Variants in ANK2 observed in about 807,000 individuals in gnomAD.
ANK2 encodes ankyrin 2, also known as ankyrin-2.
In ANK2, 83 loss-of-function variants were observed where a neutral mutation model predicts 360.5. That is an observed-to-expected ratio of 0.23 (90% CI 0.19 to 0.28). ANK2 has a LOEUF of 0.28. Ranked by LOEUF, ANK2 falls within the 10% of genes least tolerant of loss-of-function variation. The probability of loss-of-function intolerance (pLI) is 1.00; values close to 1 mark genes in which losing one functional copy is unlikely to be tolerated. For missense variants in ANK2, 4,201 were observed against 4,795.7 expected, an observed-to-expected ratio of 0.88 and a Z score of 3.66; for synonymous variants, 1,740 against 1,759.5, an observed-to-expected ratio of 0.99 and a Z score of 0.28.
At chr4:113,149,500 T>G (rs558317427) in intron 1 of ANK2, among the ~76,000 whole-genome samples, 2 of 152,280 alleles carry the variant, frequency 1.3e-5, no homozygotes, top group African/African-American at 4.8e-5. Context: ...GAGCCAAAAG[T>G]GTAATGGAAA....
intron 1 of ANK2, among the ~76,000 whole-genome samples, chr4:113,060,623 C>G (rs911213746): frequency 6.8e-6 from 1 of 147,898 alleles, no homozygotes; most frequent in Non-Finnish European, 1.5e-5. Context: ...ATGTCCCAAA[C>G]CTGTTTCACT....
chr4:112,831,198 G>A (rs1473948606), intron 1 of ANK2, among the ~76,000 whole-genome samples: 3 of 152,240 alleles, frequency 2.0e-5, no homozygotes, highest in East Asian at 1.9e-4. Flanking sequence ...GCGGGCACGC[G>A]GCGTGGGACT....
chr4:112,754,789 G>C, the ANK2 span, among the ~76,000 whole-genome samples: 1 of 152,260 alleles, frequency 6.6e-6, no homozygotes, highest in South Asian at 2.1e-4. Flanking sequence ...AAGTGAGGCA[G>C]TAGAAGGGAG....
rs1193920070 is a variant in ANK2 at position 113,147,315 on chromosome 4, C to T, written c.85-27101C>T. 3.3e-5 allele frequency among the ~76,000 whole-genome samples: 5 copies of T among 152,186 alleles called. No homozygotes were observed. The East Asian group carries it at 5.8e-4, about 18-fold the overall frequency. Reference sequence around the variant, plus strand: ...ACTACCCACATCCACCCAGGAGAGCCGCTCTGGACTTCTCAGAGCAGTCAC... The same window carrying T: ...ACTACCCACATCCACCCAGGAGAGCTGCTCTGGACTTCTCAGAGCAGTCAC... On this transcript the variant is annotated intron_variant, in intron 1 of 45. Coordinates refer to ENST00000357077, the MANE Select transcript of ANK2 (RefSeq NM_001148.6).
At chr4:112,765,172 A>G in the ANK2 span, among the ~76,000 whole-genome samples, 222 of 152,348 alleles carry the variant, frequency 1.5e-3, no homozygotes, top group Non-Finnish European at 2.5e-3. Context: ...ACATTTTTCT[A>G]TGTAACTACA....
Position 113,356,174 on chromosome 4 carries a change from A to G in ANK2, c.7556A>G (p.Asp2519Gly). 6.2e-7 allele frequency: 1 copy of G among 1,613,950 alleles called. No individual in the cohort carries two copies. Among genetic ancestry groups the G allele is most frequent in the Non-Finnish European group, 8.5e-7 (1 of 1,179,964 alleles). ...CGAGACCCTGATGGCAGTGCTGAGG[A>G]TGACAGTCTTGAGCAGACATCGCTC... The part of the protein sequence containing the change: ...LLRDPDGSAE[D>G]DSLEQTSLME... The change falls in exon 38 of 46, where the codon GAT (aspartate) becomes GGT (glycine). Residue 2519 changes from aspartate (D) to glycine (G), a missense_variant. Asp to Gly is a moderately conservative substitution (Grantham distance 94). Transcript: ENST00000357077.
intron 13 of ANK2, among the ~76,000 whole-genome samples, chr4:113,259,375 AT>A (rs2051320315): frequency 6.6e-6 from 1 of 152,298 alleles, no homozygotes; most frequent in East Asian, 1.9e-4. Flanking sequence ...CTTGTTGCTA[AT>A]TTTTGGCATC....
intron 42 of ANK2, among the ~76,000 whole-genome samples, chr4:113,368,199 A>C (rs2096604704): frequency 6.6e-6 from 1 of 152,230 alleles, no homozygotes; most frequent in East Asian, 1.9e-4. Flanking sequence ...TCTAAACTGT[A>C]AAATTCCCTG....
rs187694890 is a variant in ANK2 at position 112,842,377 on chromosome 4, A to C, written c.-40+24113A>C. Among the ~76,000 whole-genome samples, 6 of 152,362 alleles carry C rather than the reference A, an allele frequency of 3.9e-5. No individual in the cohort carries two copies. In the East Asian group the frequency reaches 9.6e-4, roughly 24 times the overall value. ...AAATAACATTCCCACTGAAGAAAGC[A>C]ATAGTTTAAATCTCTGAAAAATAGA... On this transcript the variant is annotated intron_variant, in intron 1 of 30. Coordinates refer to the ANK2 transcript ENST00000503271.
the ANK2 span, among the ~76,000 whole-genome samples, chr4:112,714,974 AAAC>A: frequency 1.3e-5 from 2 of 152,206 alleles, no homozygotes; most frequent in African/African-American, 2.4e-5. Flanking sequence ...TAGTGGCTTC[AAAC>A]AACAATAATC....
chr4:112,736,457 T>A, the ANK2 span, among the ~76,000 whole-genome samples: 3 of 107,196 alleles, frequency 2.8e-5, no homozygotes, highest in Non-Finnish European at 5.4e-5. Context: ...AGAGCAAGAC[T>A]CCGTCTCAAA....
chr4:112,840,776 C>A (rs747074656), intron 1 of ANK2, among the ~76,000 whole-genome samples: 11 of 152,166 alleles, frequency 7.2e-5, no homozygotes, highest in Non-Finnish European at 1.3e-4. Flanking sequence ...CCTCATTTTA[C>A]AGATAAGGAA....
chr4:113,189,643 G>A (rs961037701), intron 2 of ANK2, among the ~76,000 whole-genome samples: 2 of 152,124 alleles, frequency 1.3e-5, no homozygotes, highest in Admixed American at 1.3e-4. Flanking sequence ...AGGAGGATAG[G>A]GCACACACTG....
chr4:113,054,077 G>C (rs1376721064), intron 1 of ANK2, among the ~76,000 whole-genome samples: 2 of 152,118 alleles, frequency 1.3e-5, no homozygotes. Context: ...ATCAATCACA[G>C]GTGACAGCCA....
chr4:112,946,083 A>G (rs1302473664), intron 2 of ANK2, among the ~76,000 whole-genome samples: 1 of 152,100 alleles, frequency 6.6e-6, no homozygotes, highest in East Asian at 1.9e-4. Context: ...GTTGTTTTTA[A>G]ATTAGTGATT....
intron 24 of ANK2, among the ~76,000 whole-genome samples, chr4:113,315,716 G>A (rs1416875772): frequency 6.6e-6 from 1 of 152,018 alleles, no homozygotes; most frequent in East Asian, 1.9e-4. Flanking sequence ...GGCTAACACG[G>A]TGAAACCCTG....
intron 2 of ANK2, among the ~76,000 whole-genome samples, chr4:112,944,445 A>T (rs983299277): frequency 6.6e-6 from 1 of 152,244 alleles, no homozygotes; most frequent in Non-Finnish European, 1.5e-5. Flanking sequence ...CTTTGTGATC[A>T]GGATAATAGG....
the ANK2 span, among the ~76,000 whole-genome samples, chr4:112,748,535 A>T: frequency 3.9e-4 from 60 of 152,238 alleles, no homozygotes; most frequent in South Asian, 1.0e-3. Context: ...CTTTATGTTT[A>T]TCTTATGTTA....
the ANK2 span, among the ~76,000 whole-genome samples, chr4:112,737,491 A>G: frequency 2.0e-5 from 3 of 152,226 alleles, no homozygotes; most frequent in Non-Finnish European, 4.4e-5. Context: ...AACAGTAGCT[A>G]TCATTTATTT....
Sources: allele counts gnomAD v4.1 joint callset (sites outside exome capture counted in the v4.1 genomes callset), GRCh38; gene constraint gnomAD v4.1.1; transcripts MANE v1.5; gene names NCBI Gene and HGNC (gene_info 2026-07-23, HGNC 2026-07-21).